The following AGPAT4 variants were observed in gnomAD, a reference collection of about 807,000 sequenced individuals.
AGPAT4 encodes the protein 1-acylglycerol-3-phosphate O-acyltransferase 4, also known as 1-acyl-sn-glycerol-3-phosphate acyltransferase delta.
In AGPAT4, 15 loss-of-function variants were observed where a neutral mutation model predicts 48.0. The ratio of observed to expected loss-of-function variants is 0.31; its 90% CI spans 0.21 to 0.48. AGPAT4 has a LOEUF of 0.48. AGPAT4 is among the 20% of genes least tolerant of loss of function. AGPAT4 has a pLI of 0.99. For synonymous variants in AGPAT4, 178 were observed against 198.7 expected, an observed-to-expected ratio of 0.90 and a Z score of 0.88; for missense variants, 314 against 482.5, an observed-to-expected ratio of 0.65 and a Z score of 3.27.
In AGPAT4 at chr6:161,130,946, G is replaced by T. The variant is rs1327552139; in HGVS notation, c.*5594C>A. 1.7e-5 allele frequency: 9 copies of T among 518,308 alleles called. No individual in the cohort carries two copies. The highest frequency in any genetic ancestry group is 3.5e-5 in the Non-Finnish European group (9 of 259,410). The allele number at this position is 518,308 out of a possible 1,614,324, so 32.1% of individuals were successfully genotyped here. On this transcript the variant is annotated 3_prime_UTR_variant, in exon 9 of 9. Coordinates refer to ENST00000320285, the MANE Select transcript of AGPAT4 (RefSeq NM_020133.3). The stretch of plus-strand genomic sequence containing the variant: ...TGAATGTCCTAGAATGTTTGGCAAA[G>T]ATCTGGCTAAAACTAGTACTATGGA...
In AGPAT4 at chr6:161,138,316, G is replaced by A. The variant is rs1169366954; in HGVS notation, c.1042+1106C>T. On this transcript the variant is annotated intron_variant, in intron 8 of 8. Transcript: ENST00000320285. This position sits in a 1 kb window ranked among gnomAD's most constrained non-coding sequence, Gnocchi z 4.8. ...TATAGTAGGGTCTATTTGAGGAACA[G>A]GAGCCAGCTTGTCTACTGCACCCAT... is the stretch of plus-strand genomic sequence containing the variant. Among the ~76,000 whole-genome samples, 1 of 152,200 alleles carries A rather than the reference G, an allele frequency of 6.6e-6. No individual in the cohort carries two copies. The highest frequency in any genetic ancestry group is 1.9e-4 in the East Asian group (1 of 5,196).
chr6:161,144,181 G>A lies in AGPAT4; in HGVS notation c.843+2343C>T, dbSNP rs771785368. On this transcript the variant is annotated intron_variant, in intron 7 of 8. Transcript: ENST00000320285. This position sits in a 1 kb window ranked among gnomAD's most constrained non-coding sequence, Gnocchi z 6.6. ...ATGCACCACTTCCACTTGCTGCTCA[G>A]CGATCTTCTCGGAAGGGCAAAGGGC... The A allele has an allele frequency of 9.4e-6, 5 of 533,096 alleles. No individual in the cohort carries two copies. 33.0% of individuals were successfully genotyped at this position (533,096 alleles called of 1,614,324 possible). A position where few individuals can be genotyped will look rare whatever the true frequency, so the allele number is the denominator to read the frequency against.
chr6:161,232,511 C>T lies in AGPAT4; in HGVS notation c.-89-209G>A, dbSNP rs75553997. ...AACAATAATCCTTCCTTTAATTCTC[C>T]CAATATCCTCTGAGGTTGGTACTTT... is the stretch of plus-strand genomic sequence containing the variant. On this transcript the variant is annotated intron_variant, in intron 1 of 8. Transcript: ENST00000320285. The surrounding 1 kb of genome is among the most constrained non-coding windows in gnomAD (Gnocchi z 6.8). Among the ~76,000 whole-genome samples the T allele has an allele frequency of 1.3e-3, 197 of 152,272 alleles. 1 individual carries two copies. The highest frequency in any genetic ancestry group is 2.0e-3 in the Non-Finnish European group (139 of 68,022).
chr6:161,130,604 C>T lies in AGPAT4; in HGVS notation c.*5936G>A, dbSNP rs1259623377. 8.2e-6 allele frequency: 2 copies of T among 245,070 alleles called. No individual in the cohort carries two copies. The highest frequency in any genetic ancestry group is 1.7e-5 in the Non-Finnish European group (2 of 118,430). The allele number at this position is 245,070 out of a possible 1,614,324, so 15.2% of individuals were successfully genotyped here. ...TGACCTGAACCGGGTGTGTTCCACC[C>T]TTGCCCATGGTTAGATCTCTTTCCT... On this transcript the variant is annotated 3_prime_UTR_variant, in exon 9 of 9. Transcript: ENST00000320285.
chr6:161,179,387 G>A (rs1780522543), intron 2 of AGPAT4, among the ~76,000 whole-genome samples: 1 of 152,184 alleles, frequency 6.6e-6, no homozygotes, highest in African/African-American at 2.4e-5. Context: ...ATAAAAGGAA[G>A]ATCAGAATAT....
At position 161,267,540 on chromosome 6, in the gene AGPAT4, C is replaced by T. The variant is rs1783301005; in HGVS notation, c.-90+6398G>A. On this transcript the variant is annotated intron_variant, in intron 1 of 8. Transcript: ENST00000320285. The surrounding 1 kb of genome is among the most constrained non-coding windows in gnomAD (Gnocchi z 5.2). ...ACCAGCCTGGCCAACATGGGGAAAC[C>T]CTGTCTCTACTAAAAATACACACGC... Among the ~76,000 whole-genome samples, 1 of 151,914 alleles carries T rather than the reference C, an allele frequency of 6.6e-6. No individual in the cohort carries two copies. Among genetic ancestry groups the T allele is most frequent in the Non-Finnish European group, 1.5e-5 (1 of 67,998 alleles).
At position 161,148,086 on chromosome 6, in the gene AGPAT4, A is replaced by G. The variant is rs1779484415; in HGVS notation, c.767+1101T>C. ...TGTACACATCTTGGGGTTTTCCCAA[A>G]TAACTGAGCCCAGCTGGCCATTGAG... is the stretch of plus-strand genomic sequence containing the variant. On this transcript the variant is annotated intron_variant, in intron 6 of 8. Coordinates refer to ENST00000320285, the MANE Select transcript of AGPAT4 (RefSeq NM_020133.3). The surrounding 1 kb of genome is among the most constrained non-coding windows in gnomAD (Gnocchi z 5.5). Among the ~76,000 whole-genome samples, 1 of 152,240 alleles carries G rather than the reference A, an allele frequency of 6.6e-6. No homozygotes were observed. Among genetic ancestry groups the G allele is most frequent in the Admixed American group, 6.5e-5 (1 of 15,286 alleles).
chr6:161,186,182 C>T lies in AGPAT4; in HGVS notation c.179-19765G>A, dbSNP rs1169214889. Among the ~76,000 whole-genome samples the T allele has an allele frequency of 3.3e-5, 5 of 152,306 alleles. No homozygotes were observed. In the East Asian group the frequency reaches 9.7e-4, roughly 30 times the overall value. On this transcript the variant is annotated intron_variant, in intron 2 of 8. Transcript: ENST00000320285. Reference sequence around the variant, plus strand: ...ACTGACTATGGGCAGCTCCAACCCCCATGCCTCAGTCTCCTGATGGCTAAC... The same window carrying T: ...ACTGACTATGGGCAGCTCCAACCCCTATGCCTCAGTCTCCTGATGGCTAAC...
rs1244791434 is a variant in AGPAT4, at chr6:161,214,771, A to G, written c.178+17265T>C. Among the ~76,000 whole-genome samples the G allele has an allele frequency of 6.6e-6, 1 of 152,172 alleles. No individual in the cohort carries two copies. The highest frequency in any genetic ancestry group is 1.9e-4 in the East Asian group (1 of 5,192). ...GTGACAGAGGAAGACTCCGTCTCAA[A>G]ATAAATAAATAAATAAATAATAAAA... On this transcript the variant is annotated intron_variant, in intron 2 of 8. Coordinates refer to ENST00000320285, the MANE Select transcript of AGPAT4 (RefSeq NM_020133.3). The surrounding 1 kb of genome is among the most constrained non-coding windows in gnomAD (Gnocchi z 5.4).
chr6:161,245,964 T>C lies in AGPAT4; in HGVS notation c.-89-13662A>G, dbSNP rs1450919134. On this transcript the variant is annotated intron_variant, in intron 1 of 8. Coordinates refer to ENST00000320285, the MANE Select transcript of AGPAT4 (RefSeq NM_020133.3). This position sits in a 1 kb window ranked among gnomAD's most constrained non-coding sequence, Gnocchi z 5.2. ...AATCATTTATTGAAGACAGAATTGC[T>C]GGCTTCGAGTGCCCAAACTAAGTTG... 1.3e-5 allele frequency among the ~76,000 whole-genome samples: 2 copies of C among 152,226 alleles called. No homozygotes were observed. Among genetic ancestry groups the C allele is most frequent in the African/African-American group, 4.8e-5 (2 of 41,464 alleles).
chr6:161,220,223 G>A lies in AGPAT4; in HGVS notation c.178+11813C>T, dbSNP rs1479865906. On this transcript the variant is annotated intron_variant, in intron 2 of 8. Transcript: ENST00000320285. The surrounding 1 kb of genome is among the most constrained non-coding windows in gnomAD (Gnocchi z 6.0). ...TAATAACACACTAATGTCATCATCA[G>A]ACCTCATTCCTAATACCTCCTTCTT... Among the ~76,000 whole-genome samples the A allele has an allele frequency of 1.3e-5, 2 of 152,144 alleles. No homozygotes were observed. Among genetic ancestry groups the A allele is most frequent in the African/African-American group, 2.4e-5 (1 of 41,412 alleles).
intron 3 of AGPAT4, chr6:161,160,615 AGAG>A (rs747499126): frequency 3.4e-5 from 7 of 206,774 alleles, no homozygotes; most frequent in Non-Finnish European, 6.0e-5. Context: ...AGATGTGCGG[AGAG>A]GAGAAGAGGA....
At chr6:161,153,196 T>A in intron 5 of AGPAT4, 150 bp downstream of exon 5, 2 of 1,150,488 alleles carry the variant, frequency 1.7e-6, no homozygotes, top group Middle Eastern at 2.7e-4. Flanking sequence ...TGGTTCCCAG[T>A]CACAGAGACT....
In AGPAT4 at chr6:161,161,138, C is replaced by T. The variant is rs1163844565; in HGVS notation, c.348+5110G>A. On this transcript the variant is annotated intron_variant, in intron 3 of 8. Transcript: ENST00000320285. This position sits in a 1 kb window ranked among gnomAD's most constrained non-coding sequence, Gnocchi z 4.6. ...GAGGAAGCCCCAAGCTTTCAACAAC[C>T]CTGGCTTTATGAGCGGTGGGATCAG... 1 of 456,554 alleles carries T rather than the reference C, an allele frequency of 2.2e-6. No homozygotes were observed. The allele number at this position is 456,554 out of a possible 1,614,324, so 28.3% of individuals were successfully genotyped here.
chr6:161,150,710 G>A (rs968897588), intron 5 of AGPAT4, among the ~76,000 whole-genome samples: 2 of 152,194 alleles, frequency 1.3e-5, no homozygotes, highest in East Asian at 3.9e-4. Context: ...GTTCTCCTGA[G>A]CCCTCCTGAG....
At chr6:161,230,336 C>T (rs7738367) in intron 2 of AGPAT4, among the ~76,000 whole-genome samples, 69,968 of 152,042 alleles carry the variant, frequency 0.46, 17,231 homozygotes, top group African/African-American at 0.62. Context: ...GGATTTCACA[C>T]TGCAAACTAA....
chr6:161,273,802 C>T (rs1431091178), intron 1 of AGPAT4, 136 bp downstream of exon 1: 2 of 150,386 alleles, frequency 1.3e-5, no homozygotes, highest in Non-Finnish European at 1.5e-5. Context: ...ACTCCCCCCC[C>T]GCCCCCGGAG....
At position 161,135,597 on chromosome 6, in the gene AGPAT4, G is replaced by A. The variant is rs55799452; in HGVS notation, c.*943C>T. 0.035 allele frequency: 5,364 copies of A among 152,318 alleles called. 137 individuals are homozygous for A. Among genetic ancestry groups the A allele is most frequent in the South Asian group, 0.087 (418 of 4,820 alleles). 9.4% of individuals were successfully genotyped at this position (152,318 alleles called of 1,614,324 possible). Reference sequence around the variant, plus strand: ...GGCTGCAGACAAGCTCTACATGCTGGGAAGGGGCGAGGCATTTTATAAAGT... The same window carrying A: ...GGCTGCAGACAAGCTCTACATGCTGAGAAGGGGCGAGGCATTTTATAAAGT... On this transcript the variant is annotated 3_prime_UTR_variant, in exon 9 of 9. Transcript: ENST00000320285.
intron 5 of AGPAT4, among the ~76,000 whole-genome samples, chr6:161,150,840 C>T (rs1438228919): frequency 6.6e-6 from 1 of 152,228 alleles, no homozygotes; most frequent in African/African-American, 2.4e-5. Flanking sequence ...TGGACCATGA[C>T]TGTAGTGTCC....
Sources: gnomAD v4.1 joint callset for allele counts (sites outside exome capture counted in the v4.1 genomes callset) on GRCh38, gnomAD v4.1.1 for gene constraint, Gnocchi (gnomAD v3.1) non-coding constraint, MANE v1.5 for transcripts, NCBI Gene and HGNC (gene_info 2026-07-23, HGNC 2026-07-21) for gene names.